Variants in PROS1 observed in about 807,000 individuals in gnomAD.
PROS1 encodes the protein protein S.
Under a neutral mutation model 75.9 loss-of-function variants are expected in PROS1, and 29 were observed. That is an observed-to-expected ratio of 0.38 (90% CI 0.28 to 0.52). The LOEUF (loss-of-function observed/expected upper bound fraction) is 0.52, where lower values mean the gene tolerates loss of function less well. Among genes scored for constraint, PROS1 ranks in the 20% least tolerant of loss-of-function variants. PROS1 has a pLI of 0.83. For synonymous variants in PROS1, 245 were observed against 280.6 expected (o/e 0.87, Z 1.27); for missense variants, 680 against 810.3 (o/e 0.84, Z 1.95).
At position 93,879,046 on chromosome 3, in the gene PROS1, T is replaced by C. The variant is rs2107128407; in HGVS notation, c.1644+117A>G. 2.8e-6 allele frequency: 3 copies of C among 1,071,534 alleles called. No homozygotes were observed. In the East Asian group the frequency reaches 7.8e-5, roughly 28 times the overall value. The allele number at this position is 1,071,534 out of a possible 1,614,324, so 66.4% of individuals were successfully genotyped here. A position where few individuals can be genotyped will look rare whatever the true frequency, so the allele number is the denominator to read the frequency against. On this transcript the variant is annotated intron_variant, in intron 13 of 14. Transcript: ENST00000394236. ...TGTGCTGGAGATTGTGCCAAACACT[T>C]TACATAAGTTACTTTATTTAATCTT... is the stretch of plus-strand genomic sequence containing the variant.
intron 9 of PROS1, among the ~76,000 whole-genome samples, chr3:93,893,502 T>C (rs1441409311): frequency 6.6e-6 from 1 of 152,220 alleles, no homozygotes; most frequent in Non-Finnish European, 1.5e-5. Context: ...CTATATAATC[T>C]GACATTAAGA....
chr3:93,933,276 G>T (rs1709133109), intron 1 of PROS1, among the ~76,000 whole-genome samples: 1 of 152,114 alleles, frequency 6.6e-6, no homozygotes, highest in Non-Finnish European at 1.5e-5. Context: ...AGTATATTTT[G>T]TTTAAACCAA....
rs1258458602 is a variant in PROS1 at position 93,906,123 on chromosome 3, G to C, written c.367C>G (p.Pro123Ala). ...TATCCATCTTCATTGCATGGCAGAG[G>C]ACTACACTGGTCTGGAATGGCTGAA... ...CVNAIPDQCS[P>A]LPCNEDGYMS... The change falls in exon 5 of 15, where the codon CCT (proline) becomes GCT (alanine). Residue 123 changes from proline (P) to alanine (A), a missense_variant. Transcript: ENST00000394236. The C allele has an allele frequency of 6.2e-7, 1 of 1,613,614 alleles. No homozygotes were observed. Among genetic ancestry groups the C allele is most frequent in the East Asian group, 2.2e-5 (1 of 44,832 alleles).
In PROS1 at chr3:93,879,145, G is replaced by T. The variant is rs369284039; in HGVS notation, c.1644+18C>A. 9.3e-6 allele frequency: 15 copies of T among 1,609,730 alleles called. No homozygotes were observed. Among genetic ancestry groups the T allele is most frequent in the Non-Finnish European group, 1.3e-5 (15 of 1,176,734 alleles). On this transcript the variant is annotated intron_variant, in intron 13 of 14. Coordinates refer to ENST00000394236, the MANE Select transcript of PROS1 (RefSeq NM_000313.4). ...TGAAAAGAAAAACAAGGCTTATATA[G>T]GTTTAGAGTTAAGTTACCTGTGATT...
At chr3:93,924,846 A>T (rs1051825156) in intron 2 of PROS1, among the ~76,000 whole-genome samples, 2 of 151,476 alleles carry the variant, frequency 1.3e-5, no homozygotes, top group African/African-American at 4.9e-5. Flanking sequence ...GTTGTTAATT[A>T]TTTTTTTGTA....
intron 3 of PROS1, among the ~76,000 whole-genome samples, chr3:93,918,778 T>A (rs1708899246): frequency 6.6e-6 from 1 of 152,060 alleles, no homozygotes; most frequent in Non-Finnish European, 1.5e-5. Context: ...ACTCCTAACC[T>A]CAAGTGAATC....
In PROS1 at chr3:93,927,002, T is replaced by C. The variant is rs187743065; in HGVS notation, c.234+248A>G. On this transcript the variant is annotated intron_variant, in intron 2 of 14. Transcript: ENST00000394236. ...TTACAAACCATGAGGTCAATACTAT[T>C]TGCTGATAATGAGGTGTAACTGAAC... is the stretch of plus-strand genomic sequence containing the variant. Among the ~76,000 whole-genome samples the C allele has an allele frequency of 1.0e-3, 159 of 152,262 alleles. 1 individual carries two copies. The highest frequency in any genetic ancestry group is 7.9e-4 in the Non-Finnish European group (54 of 68,028).
chr3:93,948,805 A>T (rs1709445401), intron 1 of PROS1, among the ~76,000 whole-genome samples: 1 of 152,184 alleles, frequency 6.6e-6, no homozygotes, highest in South Asian at 2.1e-4. Flanking sequence ...TATTAGTTAC[A>T]ATTTTTAAAA....
At chr3:93,946,392 A>C (rs913795332) in intron 1 of PROS1, among the ~76,000 whole-genome samples, 37 of 152,140 alleles carry the variant, frequency 2.4e-4, no homozygotes, top group African/African-American at 8.4e-4. Context: ...ATCATGCTAC[A>C]TGACTTCAAA....
chr3:93,927,965 A>ATGTG (rs1196979819), intron 1 of PROS1, among the ~76,000 whole-genome samples: 2 of 127,784 alleles, frequency 1.6e-5, no homozygotes, highest in African/African-American at 5.7e-5. Flanking sequence ...GTGTATATAT[A>ATGTG]TATGTGTGTA....
intron 3 of PROS1, among the ~76,000 whole-genome samples, chr3:93,921,566 C>T (rs940129095): frequency 1.3e-5 from 2 of 152,054 alleles, no homozygotes; most frequent in African/African-American, 4.8e-5. Context: ...GTTTAATACT[C>T]GTTTGTATAA....
At chr3:93,969,763 CCT>C (rs1228224528) in intron 1 of PROS1, among the ~76,000 whole-genome samples, 4 of 152,204 alleles carry the variant, frequency 2.6e-5, no homozygotes, top group Non-Finnish European at 5.9e-5. Context: ...TTCCTTCCTT[CCT>C]CTCTTTTTTC....
intron 1 of PROS1, among the ~76,000 whole-genome samples, chr3:93,944,746 A>C (rs1375185781): frequency 3.9e-5 from 6 of 152,308 alleles, no homozygotes; most frequent in African/African-American, 9.6e-5. Flanking sequence ...AATTAAAAGA[A>C]CTAGAGAAGC....
chr3:93,905,719 A>T, intron 6 of PROS1, 65 bp downstream of exon 6: 1 of 1,562,838 alleles, frequency 6.4e-7, no homozygotes, highest in Non-Finnish European at 8.8e-7. Flanking sequence ...TTGCTAGTAA[A>T]ATTTCTCTAA....
chr3:93,922,940 A>C (rs968590861), intron 3 of PROS1, among the ~76,000 whole-genome samples: 40 of 152,348 alleles, frequency 2.6e-4, no homozygotes, highest in Middle Eastern at 3.4e-3. Flanking sequence ...TGACACATTA[A>C]GTTATTTATG....
Position 93,874,243 on chromosome 3 carries a change from C to A in PROS1, c.*2G>T, listed in dbSNP as rs1191581600. On this transcript the variant is annotated 3_prime_UTR_variant, in exon 15 of 15. Coordinates refer to ENST00000394236, the MANE Select transcript of PROS1 (RefSeq NM_000313.4). ...AGGTATTATAAGCAGAGAAAAGATG[C>A]CTTAAGAATTCTTTGTCTTTTTCCA... The A allele has an allele frequency of 6.2e-7, 1 of 1,613,012 alleles. No homozygotes were observed. Among genetic ancestry groups the A allele is most frequent in the Non-Finnish European group, 8.5e-7 (1 of 1,179,338 alleles).
chr3:93,962,267 A>T (rs1320650436), intron 1 of PROS1, among the ~76,000 whole-genome samples: 1 of 151,404 alleles, frequency 6.6e-6, no homozygotes, highest in Non-Finnish European at 1.5e-5. Context: ...GATTGAGATG[A>T]ATAGACAACC....
At chr3:93,967,343 C>T (rs1418407551) in intron 1 of PROS1, among the ~76,000 whole-genome samples, 1 of 152,166 alleles carries the variant, frequency 6.6e-6, no homozygotes, top group Non-Finnish European at 1.5e-5. Flanking sequence ...TATTGGTAGA[C>T]TTATTCAATG....
chr3:93,911,829 G>T (rs141356279), intron 3 of PROS1, among the ~76,000 whole-genome samples: 3 of 152,150 alleles, frequency 2.0e-5, no homozygotes, highest in Non-Finnish European at 4.4e-5. Context: ...GATCAAAGGG[G>T]TCCCAGGGTC....
Sources: gnomAD v4.1 joint callset for allele counts (sites outside exome capture counted in the v4.1 genomes callset) on GRCh38, gnomAD v4.1.1 for gene constraint, MANE v1.5 for transcripts, NCBI Gene and HGNC (gene_info 2026-07-23, HGNC 2026-07-21) for gene names.